The following SHB variants were observed in gnomAD, a reference collection of about 807,000 sequenced individuals.
SHB encodes SH2 domain-containing adapter protein B.
SHB carries 20 observed loss-of-function variants against 52.3 expected under a neutral mutation model. That is an observed-to-expected ratio of 0.38 (90% CI 0.27 to 0.56). The LOEUF is 0.56. SHB is among the 20% of genes least tolerant of loss of function. The probability of loss-of-function intolerance (pLI) is 0.71; values close to 1 mark genes in which losing one functional copy is unlikely to be tolerated. For synonymous variants in SHB, 397 were observed against 316.5 expected (o/e 1.25, Z -2.70); for missense variants, 825 against 723.3 (o/e 1.14, Z -1.61).
chr9:37,925,411 T>TCTG (rs1156892720), intron 5 of SHB, among the ~76,000 whole-genome samples: 1 of 152,224 alleles, frequency 6.6e-6, no homozygotes, highest in African/African-American at 2.4e-5. Context: ...ATGAGGTGAG[T>TCTG]ACACAGGCAC....
chr9:38,054,822 A>G (rs1262036053), intron 1 of SHB, among the ~76,000 whole-genome samples: 3 of 152,218 alleles, frequency 2.0e-5, no homozygotes, highest in Non-Finnish European at 4.4e-5. Flanking sequence ...AAGCTAGAGT[A>G]AACATTTAAA....
At position 38,002,081 on chromosome 9, in the gene SHB, G is replaced by A. The variant is rs116202538; in HGVS notation, c.838+13930C>T. Among the ~76,000 whole-genome samples, 616 of 152,268 alleles carry A rather than the reference G, an allele frequency of 4.0e-3. 2 individuals are homozygous for A. Among genetic ancestry groups the A allele is most frequent in the African/African-American group, 0.014 (592 of 41,536 alleles). Reference sequence around the variant, plus strand: ...TCAAGCCCTGGCACTACAGCTGGCTGACCCTGGGTGGGTCACTTCGATTCT... The same window carrying A: ...TCAAGCCCTGGCACTACAGCTGGCTAACCCTGGGTGGGTCACTTCGATTCT... On this transcript the variant is annotated intron_variant, in intron 2 of 5. Transcript: ENST00000377707.
At chr9:38,008,088 T>C (rs911481435) in intron 2 of SHB, among the ~76,000 whole-genome samples, 9 of 152,202 alleles carry the variant, frequency 5.9e-5, no homozygotes, top group African/African-American at 1.9e-4. Flanking sequence ...ACCTTCCCCA[T>C]GTGACAGGAG....
In SHB at chr9:37,941,689, AC is replaced by A. The variant is rs572705755; in HGVS notation, c.1346+6945del. Among the ~76,000 whole-genome samples, 26 of 152,324 alleles carry A rather than the reference AC, an allele frequency of 1.7e-4. No homozygotes were observed. The South Asian group carries it at 5.2e-3, about 30-fold the overall frequency. ...GCCTGGCTGGGGAATACAGTGACCT[AC>A]TAAGTCCACTGTCAGGTATTCAGGT... On this transcript the variant is annotated intron_variant, in intron 5 of 5. Transcript: ENST00000377707.
chr9:37,951,396 T>G (rs1391937799), intron 4 of SHB, among the ~76,000 whole-genome samples: 1 of 152,218 alleles, frequency 6.6e-6, no homozygotes, highest in East Asian at 1.9e-4. Context: ...TGAAGGTCCA[T>G]GTTATGCTTT....
chr9:38,023,043 C>A (rs915204869), intron 1 of SHB, among the ~76,000 whole-genome samples: 2 of 152,214 alleles, frequency 1.3e-5, no homozygotes, highest in African/African-American at 4.8e-5. Flanking sequence ...AGAGCCCTGG[C>A]TTTAAGGACT....
rs776318892 is a variant in SHB, at chr9:38,015,986, G to A, written c.838+25C>T. On this transcript the variant is annotated intron_variant, in intron 2 of 5. Coordinates refer to ENST00000377707, the MANE Select transcript of SHB (RefSeq NM_003028.3). ...TCTACCCCTACAACCCCAGCTGTGA[G>A]CCCCTGCGCTTCAGCTCCACTTACC... 10 of 1,612,414 alleles carry A rather than the reference G, an allele frequency of 6.2e-6. No individual in the cohort carries two copies. In the East Asian group the frequency reaches 2.2e-4, roughly 36 times the overall value.
intron 1 of SHB, among the ~76,000 whole-genome samples, chr9:38,062,939 G>A (rs1020533943): frequency 6.6e-6 from 1 of 152,150 alleles, no homozygotes; most frequent in Non-Finnish European, 1.5e-5. Context: ...TCAAACCACG[G>A]GCGGTTTTGG....
At chr9:37,971,651 G>A (rs1312899178) in intron 3 of SHB, among the ~76,000 whole-genome samples, 4 of 152,136 alleles carry the variant, frequency 2.6e-5, no homozygotes, top group African/African-American at 7.2e-5. Flanking sequence ...AGACACAGAC[G>A]TGGATGTGAT....
At chr9:37,935,673 C>T (rs543112264) in intron 5 of SHB, among the ~76,000 whole-genome samples, 1 of 152,260 alleles carries the variant, frequency 6.6e-6, no homozygotes, top group Admixed American at 6.5e-5. Flanking sequence ...CCCCATTGTA[C>T]AGATGCAGAA....
intron 5 of SHB, among the ~76,000 whole-genome samples, chr9:37,942,817 C>A (rs558960114): frequency 6.6e-6 from 1 of 152,054 alleles, no homozygotes; most frequent in African/African-American, 2.4e-5. Flanking sequence ...ACGTGCTGTT[C>A]GCCTTCTGGA....
chr9:38,008,953 C>T (rs1821104559), intron 2 of SHB, among the ~76,000 whole-genome samples: 1 of 152,210 alleles, frequency 6.6e-6, no homozygotes, highest in Non-Finnish European at 1.5e-5. Flanking sequence ...CTGGGAATGG[C>T]CTGGACTCAG....
intron 5 of SHB, among the ~76,000 whole-genome samples, chr9:37,941,818 C>A (rs578166585): frequency 6.6e-6 from 1 of 152,142 alleles, no homozygotes; most frequent in South Asian, 2.1e-4. Flanking sequence ...GCAACCACCA[C>A]GGAGCTAGGT....
chr9:37,942,194 G>A (rs537390717), intron 5 of SHB, among the ~76,000 whole-genome samples: 15 of 152,296 alleles, frequency 9.8e-5, no homozygotes, highest in East Asian at 5.8e-4. Context: ...GGTATTTGCC[G>A]GCTAAAGACT....
intron 1 of SHB, among the ~76,000 whole-genome samples, chr9:38,063,604 T>C (rs1178836613): frequency 6.6e-6 from 1 of 152,212 alleles, no homozygotes; most frequent in Non-Finnish European, 1.5e-5. Context: ...CTCCCAACCC[T>C]GTGCACACAC....
intron 4 of SHB, among the ~76,000 whole-genome samples, chr9:37,955,417 A>G (rs1832617144): frequency 6.6e-6 from 1 of 152,132 alleles, no homozygotes; most frequent in African/African-American, 2.4e-5. Context: ...ATGTATACAC[A>G]GAGGGGGAGG....
intron 2 of SHB, among the ~76,000 whole-genome samples, chr9:37,998,832 T>G (rs7856252): frequency 0.014 from 2,096 of 152,374 alleles, 18 homozygotes; most frequent in Middle Eastern, 0.034. Flanking sequence ...GCCATTAAAC[T>G]GACTTCAAAG....
intron 5 of SHB, among the ~76,000 whole-genome samples, chr9:37,934,004 C>A (rs1236800014): frequency 6.6e-6 from 1 of 152,248 alleles, no homozygotes; most frequent in Non-Finnish European, 1.5e-5. Context: ...TTCTGCTGCC[C>A]GTTCCCCAGG....
intron 3 of SHB, among the ~76,000 whole-genome samples, chr9:37,969,632 C>G (rs369733037): frequency 2.6e-5 from 4 of 152,180 alleles, no homozygotes; most frequent in Non-Finnish European, 5.9e-5. Context: ...CCACCTCCAC[C>G]GAGGTCTGCT....
Sources: allele counts gnomAD v4.1 joint callset (sites outside exome capture counted in the v4.1 genomes callset), GRCh38; gene constraint gnomAD v4.1.1; transcripts MANE v1.5; gene names NCBI Gene and HGNC (gene_info 2026-07-23, HGNC 2026-07-21).